EIF4G3: variants seen among roughly 807,000 people sequenced by gnomAD.
EIF4G3 encodes eukaryotic translation initiation factor 4 gamma 3, also known as eIF-4-gamma 3.
EIF4G3 carries 34 observed loss-of-function variants against 186.4 expected under a neutral mutation model. The ratio of observed to expected loss-of-function variants is 0.18; its 90% CI spans 0.14 to 0.24. The LOEUF (loss-of-function observed/expected upper bound fraction) is 0.24, where lower values mean the gene tolerates loss of function less well. Ranked by LOEUF, EIF4G3 falls within the 10% of genes least tolerant of loss-of-function variation. The probability of loss-of-function intolerance (pLI) is 1.00; values close to 1 mark genes in which losing one functional copy is unlikely to be tolerated. For missense variants in EIF4G3, 1,536 were observed against 1,948.5 expected (o/e 0.79, Z 3.99); for synonymous variants, 673 against 679.5 (o/e 0.99, Z 0.15).
rs184333442 is a variant in EIF4G3, at chr1:20,928,860, G to A, written c.1663+12631C>T. The stretch of plus-strand genomic sequence containing the variant: ...AATATTTTCATCACCCCAGAAAGAA[G>A]CTCGGTATGTATTAGCACCGTCTCC... On this transcript the variant is annotated intron_variant, in intron 14 of 36. Coordinates refer to ENST00000602326, the MANE Select transcript of EIF4G3 (RefSeq NM_001391906.1). Among the ~76,000 whole-genome samples, 32 of 152,174 alleles carry A rather than the reference G, an allele frequency of 2.1e-4. 1 individual carries two copies. Among genetic ancestry groups the A allele is most frequent in the Admixed American group, 7.2e-4 (11 of 15,292 alleles).
Position 20,810,872 on chromosome 1 carries a change from G to A in EIF4G3, c.4610C>T (p.Thr1537Ile), listed in dbSNP as rs1250771114. 1.2e-6 allele frequency: 2 copies of A among 1,613,036 alleles called. No individual in the cohort carries two copies. Among genetic ancestry groups the A allele is most frequent in the Admixed American group, 3.3e-5 (2 of 60,012 alleles). Residue 1537 changes from threonine to isoleucine, a missense_variant, in exon 36 of 37, where the codon ACC becomes ATC. Thr to Ile is a moderately conservative substitution (Grantham distance 89, BLOSUM62 -1). Around this residue, in one of 11 missense-constraint regions of EIF4G3, gnomAD observed 395 missense variants for 498.9 expected, o/e 0.79. Coordinates refer to ENST00000602326, the MANE Select transcript of EIF4G3 (RefSeq NM_001391906.1). This position sits in a 1 kb window ranked among gnomAD's most constrained non-coding sequence, Gnocchi z 4.1. ...CKAAIIADSSTFRVDTAVIKQ... is the reference protein window; with the variant it reads ...CKAAIIADSSIFRVDTAVIKQ... ...GATAACAGCAGTGTCCACTCTGAAG[G>A]TAGAAGAGTCGGCTAAAGGTGATAG...
chr1:20,807,208 T>G lies in EIF4G3; in HGVS notation c.*111A>C. On this transcript the variant is annotated 3_prime_UTR_variant, in exon 37 of 37. Transcript: ENST00000602326. ...TTCCCCTCTCCCACTCGTGCACACGTGGGGGTTTCTGCGAGAATTGGCCTT... is the reference window on the plus strand; with the variant it reads ...TTCCCCTCTCCCACTCGTGCACACGGGGGGGTTTCTGCGAGAATTGGCCTT... 4 of 946,338 alleles carry G rather than the reference T, an allele frequency of 4.2e-6. No individual in the cohort carries two copies. The highest frequency in any genetic ancestry group is 6.2e-6 in the Non-Finnish European group (4 of 643,968). The allele number at this position is 946,338 out of a possible 1,614,324, so 58.6% of individuals were successfully genotyped here.
chr1:21,114,783 T>C (rs2096788490), intron 2 of EIF4G3, among the ~76,000 whole-genome samples: 1 of 152,252 alleles, frequency 6.6e-6, no homozygotes, highest in African/African-American at 2.4e-5. Context: ...TTTGTTTGTT[T>C]TCAATGTGCA....
intron 2 of EIF4G3, among the ~76,000 whole-genome samples, chr1:21,090,067 T>C (rs1393359625): frequency 6.6e-6 from 1 of 152,206 alleles, no homozygotes; most frequent in Admixed American, 6.5e-5. Flanking sequence ...TGATTTTTCA[T>C]AACCCATGAT....
At position 20,900,536 on chromosome 1, in the gene EIF4G3, G is replaced by GA. The variant is rs1181952338; in HGVS notation, c.1753-594dup. On this transcript the variant is annotated intron_variant, in intron 15 of 36. Coordinates refer to ENST00000602326, the MANE Select transcript of EIF4G3 (RefSeq NM_001391906.1). ...ATAAAAAAAAAAAAAGAGAGAGAGA[G>GA]AAAAAAAAAAGAGAAATCTGGGTTA... 1.8e-3 allele frequency among the ~76,000 whole-genome samples: 257 copies of GA among 143,110 alleles called. 1 individual carries two copies. Among genetic ancestry groups the GA allele is most frequent in the East Asian group, 9.9e-3 (49 of 4,958 alleles). 93.9% of individuals were successfully genotyped at this position (143,110 alleles called of 152,430 possible).
chr1:21,115,690 C>T lies in EIF4G3; in HGVS notation c.-271-26477G>A, dbSNP rs545349051. ...GCTCTCTGTATACAGTTAAATGAGA[C>T]GATTTATTAGAATAATTTGTTGTTG... is the stretch of plus-strand genomic sequence containing the variant. On this transcript the variant is annotated intron_variant, in intron 2 of 36. Transcript: ENST00000602326. Among the ~76,000 whole-genome samples the T allele has an allele frequency of 3.6e-4, 54 of 152,076 alleles. 1 individual carries two copies. The South Asian group carries it at 0.01, about 29-fold the overall frequency.
chr1:20,852,290 C>T (rs1306744364), intron 27 of EIF4G3, among the ~76,000 whole-genome samples: 1 of 152,148 alleles, frequency 6.6e-6, no homozygotes, highest in African/African-American at 2.4e-5. Context: ...GCGTGAGCCA[C>T]TGTGCCCGGC....
At chr1:21,047,790 G>T (rs2154576138) in intron 4 of EIF4G3, among the ~76,000 whole-genome samples, 1 of 152,212 alleles carries the variant, frequency 6.6e-6, no homozygotes, top group South Asian at 2.1e-4. Context: ...TTTCAACTGT[G>T]AAACCTAAAA....
chr1:21,096,298 A>T (rs1032671520), intron 2 of EIF4G3, among the ~76,000 whole-genome samples: 3 of 152,224 alleles, frequency 2.0e-5, no homozygotes, highest in African/African-American at 7.2e-5. Context: ...AAAGACAAAT[A>T]TCACATGTTC....
intron 29 of EIF4G3, among the ~76,000 whole-genome samples, chr1:20,843,128 C>A (rs1213085838): frequency 6.6e-6 from 1 of 152,044 alleles, no homozygotes; most frequent in South Asian, 2.1e-4. Flanking sequence ...TGTGAGCCAC[C>A]ATACCTGGCC....
intron 4 of EIF4G3, among the ~76,000 whole-genome samples, chr1:21,044,791 GT>G (rs1465712058): frequency 3.9e-5 from 6 of 151,962 alleles, no homozygotes. Flanking sequence ...GGGACTACAA[GT>G]GTGTGCCATC....
At chr1:21,122,649 T>A (rs1213628857) in intron 2 of EIF4G3, among the ~76,000 whole-genome samples, 2 of 152,228 alleles carry the variant, frequency 1.3e-5, no homozygotes, top group Non-Finnish European at 2.9e-5. Context: ...TTTTTCAGTT[T>A]GGGTGAATTC....
intron 30 of EIF4G3, 51 bp downstream of exon 30, chr1:20,840,805 T>C (rs2068323477): frequency 6.5e-7 from 1 of 1,546,808 alleles, no homozygotes; most frequent in African/African-American, 1.4e-5. Flanking sequence ...GAAAATTAAC[T>C]GGTACCCAAG....
intron 4 of EIF4G3, among the ~76,000 whole-genome samples, chr1:21,025,334 C>T (rs1259299430): frequency 9.9e-5 from 15 of 151,962 alleles, no homozygotes; most frequent in Admixed American, 9.8e-4. Flanking sequence ...AGAGCCATTA[C>T]AACAATATGA....
intron 2 of EIF4G3, among the ~76,000 whole-genome samples, chr1:21,123,989 T>C (rs537332507): frequency 3.6e-4 from 55 of 152,290 alleles, no homozygotes; most frequent in Non-Finnish European, 6.9e-4. Flanking sequence ...TACGTATCTC[T>C]TCCTCAAATT....
intron 2 of EIF4G3, among the ~76,000 whole-genome samples, chr1:21,123,825 G>A (rs1344057105): frequency 1.3e-5 from 2 of 152,176 alleles, no homozygotes; most frequent in Non-Finnish European, 2.9e-5. Flanking sequence ...TGTAATTCCA[G>A]TGTTGACAAA....
chr1:20,948,065 GA>G lies in EIF4G3; in HGVS notation c.823+1937del, dbSNP rs373163234. 1.4e-4 allele frequency among the ~76,000 whole-genome samples: 22 copies of G among 152,280 alleles called. No individual in the cohort carries two copies. The East Asian group carries it at 3.9e-3, about 27-fold the overall frequency. On this transcript the variant is annotated intron_variant, in intron 13 of 36. Coordinates refer to ENST00000602326, the MANE Select transcript of EIF4G3 (RefSeq NM_001391906.1). The stretch of plus-strand genomic sequence containing the variant: ...TTAAAAATCCTGGCACAGCTACAGA[GA>G]AAGTCTGCACAGAAGATATATTTTA...
intron 2 of EIF4G3, among the ~76,000 whole-genome samples, chr1:21,113,977 C>T (rs1024924211): frequency 6.6e-6 from 1 of 152,188 alleles, no homozygotes; most frequent in Non-Finnish European, 1.5e-5. Context: ...GATCACAGCA[C>T]TACACTCCAG....
At chr1:20,935,909 A>C (rs2095503402) in intron 14 of EIF4G3, among the ~76,000 whole-genome samples, 1 of 152,180 alleles carries the variant, frequency 6.6e-6, no homozygotes, top group Non-Finnish European at 1.5e-5. Flanking sequence ...TTTGTCATGG[A>C]GGAGGATTAG....
Sources: allele counts gnomAD v4.1 joint callset (sites outside exome capture counted in the v4.1 genomes callset), GRCh38; gene constraint gnomAD v4.1.1; regional missense constraint gnomAD v4.1.1; non-coding constraint Gnocchi (gnomAD v3.1); transcripts MANE v1.5; gene names NCBI Gene and HGNC (gene_info 2026-07-23, HGNC 2026-07-21).